CD1D: variants seen among roughly 807,000 people sequenced by gnomAD.
The protein encoded by CD1D is CD1d molecule, also known as antigen-presenting glycoprotein CD1d.
A neutral mutation model predicts 42.1 loss-of-function variants in CD1D; 40 were observed. The observed-to-expected ratio is 0.95, with a 90% CI of 0.74 to 1.24. The LOEUF is 1.24. CD1D is among the 50% of genes most tolerant of loss of function. The pLI is 0.00. For missense variants in CD1D, 437 were observed against 416.5 expected (o/e 1.05, Z -0.43); for synonymous variants, 178 against 171.8 (o/e 1.04, Z -0.28).
At position 158,180,960 on chromosome 1, in the gene CD1D, C is replaced by T; in HGVS notation, c.-142C>T. On this transcript the variant is annotated 5_prime_UTR_variant, in exon 1 of 6. Transcript: ENST00000674085. Reference sequence around the variant, plus strand: ...AGCAGCAAACCGCCGGCAAGCCCAGCGAGGAGGGCTGCCGGGGTCTGGGCT... The same window carrying T: ...AGCAGCAAACCGCCGGCAAGCCCAGTGAGGAGGGCTGCCGGGGTCTGGGCT... 2 of 693,692 alleles carry T rather than the reference C, an allele frequency of 2.9e-6. No individual in the cohort carries two copies. The highest frequency in any genetic ancestry group is 2.2e-6 in the Non-Finnish European group (1 of 459,902). 43.0% of individuals were successfully genotyped at this position (693,692 alleles called of 1,614,324 possible). A position where few individuals can be genotyped will look rare whatever the true frequency, so the allele number is the denominator to read the frequency against.
At chr1:158,178,204 G>A (rs1648246799), upstream of CD1D, among the ~76,000 whole-genome samples, 1 of 152,160 alleles carries the variant, frequency 6.6e-6, no homozygotes. Context: ...GCAAACTACG[G>A]TCCTTGATCA....
In CD1D at chr1:158,182,112, C is replaced by T. The variant is rs149673076; in HGVS notation, c.409C>T (p.Gln137Ter). Residue 137 changes from glutamine (Q) to a stop codon, truncating the protein, a stop_gained, in exon 3 of 6, where the codon CAA (glutamine) becomes TAA (stop). Transcript: ENST00000674085. LOFTEE classifies it high-confidence loss of function. ...AAATAACTTCTTCCATGTAGCATTTCAAGGAAAAGATATCCTGAGTTTCCA... is the reference window on the plus strand; with the variant it reads ...AAATAACTTCTTCCATGTAGCATTTTAAGGAAAAGATATCCTGAGTTTCCA... ...ASNNFFHVAF[Q>*]GKDILSFQGT... The T allele has an allele frequency of 8.2e-5, 132 of 1,614,140 alleles. No homozygotes were observed. The East Asian group carries it at 2.7e-3, about 32-fold the overall frequency.
Position 158,183,077 on chromosome 1 carries a change from G to A in CD1D, c.807G>A (p.Val269=). 1.2e-6 allele frequency: 2 copies of A among 1,614,190 alleles called. No homozygotes were observed. The highest frequency in any genetic ancestry group is 1.1e-5 in the South Asian group (1 of 91,088). Residue 269 remains valine, a synonymous_variant, in exon 4 of 6, where the codon GTG becomes GTA. Coordinates refer to ENST00000674085, the MANE Select transcript of CD1D (RefSeq NM_001371762.2). Reference sequence around the variant, plus strand: ...GGTATCTCCGAGCAACCCTGGATGTGGTGGCTGGGGAGGCAGCTGGCCTGT... The same window carrying A: ...GGTATCTCCGAGCAACCCTGGATGTAGTGGCTGGGGAGGCAGCTGGCCTGT... The part of the protein sequence containing the change: ...ETWYLRATLD[V]VAGEAAGLSC...
Sources: allele counts gnomAD v4.1 joint callset (sites outside exome capture counted in the v4.1 genomes callset), GRCh38; gene constraint gnomAD v4.1.1; transcripts MANE v1.5; gene names NCBI Gene and HGNC (gene_info 2026-07-23, HGNC 2026-07-21).